Variants in SNX29 observed in about 807,000 individuals in gnomAD.
The protein encoded by SNX29 is sorting nexin-29.
A neutral mutation model predicts 102.1 loss-of-function variants in SNX29; 78 were observed. That is an observed-to-expected ratio of 0.76 (90% CI 0.64 to 0.92). The LOEUF (loss-of-function observed/expected upper bound fraction) is 0.92, where lower values mean the gene tolerates loss of function less well. SNX29 is among the 40% of genes least tolerant of loss of function. SNX29 has a pLI of 0.00. For synonymous variants in SNX29, 580 were observed against 414.5 expected, an observed-to-expected ratio of 1.40 and a Z score of -4.85; for missense variants, 1,280 against 1,061.7, an observed-to-expected ratio of 1.21 and a Z score of -2.86.
At position 12,073,393 on chromosome 16, in the gene SNX29, A is replaced by G. The variant is rs570316051; in HGVS notation, c.1319+4261A>G. 8.1e-3 allele frequency among the ~76,000 whole-genome samples: 1,232 copies of G among 152,288 alleles called. 20 individuals are homozygous for G. Among genetic ancestry groups the G allele is most frequent in the African/African-American group, 0.028 (1,173 of 41,562 alleles). On this transcript the variant is annotated intron_variant, in intron 10 of 20. Transcript: ENST00000566228. ...TGTGTCTTTGTTCTCGTTGGTTTCAAAGAACATCTTTATTTCTGCCTTCAT... is the reference window on the plus strand; with the variant it reads ...TGTGTCTTTGTTCTCGTTGGTTTCAGAGAACATCTTTATTTCTGCCTTCAT...
At chr16:12,151,115 CCT>C (rs1156524310) in intron 13 of SNX29, among the ~76,000 whole-genome samples, 2 of 152,082 alleles carry the variant, frequency 1.3e-5, no homozygotes, top group African/African-American at 4.8e-5. Flanking sequence ...TGTAACAGCC[CCT>C]GTGTACCCAT....
intron 15 of SNX29, among the ~76,000 whole-genome samples, chr16:12,343,149 C>T (rs779809479): frequency 7.9e-5 from 12 of 152,310 alleles, no homozygotes; most frequent in Non-Finnish European, 1.6e-4. Flanking sequence ...ATTAAAAACG[C>T]ACACCAGCCT....
rs1290154017 is a variant in SNX29, at chr16:12,484,066, T to A, written c.2178+6207T>A. Among the ~76,000 whole-genome samples the A allele has an allele frequency of 5.9e-5, 9 of 152,240 alleles. No homozygotes were observed. In the East Asian group the frequency reaches 1.7e-3, roughly 29 times the overall value. ...AGCTTCACCCATCCAAAACTATACATGCCTGTCCCATGGACTCCACTTTCA... is the reference window on the plus strand; with the variant it reads ...AGCTTCACCCATCCAAAACTATACAAGCCTGTCCCATGGACTCCACTTTCA... On this transcript the variant is annotated intron_variant, in intron 19 of 20. Coordinates refer to ENST00000566228, the MANE Select transcript of SNX29 (RefSeq NM_032167.5).
chr16:12,500,095 G>T lies in SNX29; in HGVS notation c.2178+22236G>T, dbSNP rs576058037. ...CAGCCTCAAACTCCTGGGCTTAAGG[G>T]ATCCTCCTACCTCAGCCTCCTGAGC... On this transcript the variant is annotated intron_variant, in intron 19 of 20. Coordinates refer to ENST00000566228, the MANE Select transcript of SNX29 (RefSeq NM_032167.5). 3.3e-5 allele frequency among the ~76,000 whole-genome samples: 5 copies of T among 152,292 alleles called. No homozygotes were observed. The East Asian group carries it at 9.6e-4, about 29-fold the overall frequency.
At chr16:12,083,930 G>C (rs1236825368) in intron 11 of SNX29, among the ~76,000 whole-genome samples, 1 of 152,306 alleles carries the variant, frequency 6.6e-6, no homozygotes, top group Non-Finnish European at 1.5e-5. Context: ...CTCAGTGCCT[G>C]CGGATAATTG....
intron 11 of SNX29, among the ~76,000 whole-genome samples, chr16:12,115,485 TTGTGTGTGTG>T (rs3222983): frequency 3.6e-4 from 51 of 141,964 alleles, no homozygotes; most frequent in South Asian, 2.8e-3. Context: ...CCACCTTGAT[TTGTGTGTGTG>T]TGTGTGTGTG....
chr16:12,557,919 C>A (rs904358435), intron 20 of SNX29, among the ~76,000 whole-genome samples: 1 of 152,162 alleles, frequency 6.6e-6, no homozygotes, highest in Non-Finnish European at 1.5e-5. Context: ...GTCGTCAGGG[C>A]AGGCAGGCTG....
intron 13 of SNX29, among the ~76,000 whole-genome samples, chr16:12,143,706 C>G (rs938186224): frequency 3.3e-5 from 5 of 152,164 alleles, no homozygotes; most frequent in African/African-American, 9.7e-5. Flanking sequence ...TAAATTATGC[C>G]TCCATTTCAA....
At chr16:12,508,422 C>T (rs1377044658) in intron 19 of SNX29, among the ~76,000 whole-genome samples, 2 of 152,148 alleles carry the variant, frequency 1.3e-5, no homozygotes, top group Non-Finnish European at 2.9e-5. Flanking sequence ...TTTTGATGGC[C>T]CATTGATTTC....
chr16:12,248,510 C>T lies in SNX29; in HGVS notation c.1679-29423C>T, dbSNP rs2078327632. On this transcript the variant is annotated intron_variant, in intron 14 of 20. Coordinates refer to ENST00000566228, the MANE Select transcript of SNX29 (RefSeq NM_032167.5). ...TCCTGGGTTCAAGTGATTCTCCTGC[C>T]TCAGCCTCCTGAGCGATTACAGGCG... is the stretch of plus-strand genomic sequence containing the variant. Among the ~76,000 whole-genome samples the T allele has an allele frequency of 2.0e-5, 3 of 152,016 alleles. No homozygotes were observed. In the South Asian group the frequency reaches 6.2e-4, roughly 32 times the overall value.
chr16:12,089,353 A>G (rs1194803510), intron 11 of SNX29, among the ~76,000 whole-genome samples: 1 of 152,018 alleles, frequency 6.6e-6, no homozygotes, highest in Non-Finnish European at 1.5e-5. Flanking sequence ...AAAAATTAAA[A>G]AAACCCAATA....
Position 12,571,624 on chromosome 16 carries a change from T to C in SNX29, c.*2995T>C, listed in dbSNP as rs2079189593. 9.4e-7 allele frequency: 1 copy of C among 1,058,934 alleles called. No homozygotes were observed. The highest frequency in any genetic ancestry group is 1.1e-6 in the Non-Finnish European group (1 of 875,328). 65.6% of individuals were successfully genotyped at this position (1,058,934 alleles called of 1,614,324 possible). On this transcript the variant is annotated 3_prime_UTR_variant, in exon 21 of 21. Coordinates refer to ENST00000566228, the MANE Select transcript of SNX29 (RefSeq NM_032167.5). ...ACAGCAGGTTCCATCTTTCACATCT[T>C]TTTTTCTCCCCCAGATGAAAGACGA... is the stretch of plus-strand genomic sequence containing the variant.
At chr16:12,254,640 A>G (rs1164538220) in intron 14 of SNX29, among the ~76,000 whole-genome samples, 1 of 150,990 alleles carries the variant, frequency 6.6e-6, no homozygotes, top group Non-Finnish European at 1.5e-5. Flanking sequence ...CAGAGACTCC[A>G]TCTCCAAAAA....
rs535100363 is a variant in SNX29, at chr16:12,573,793, G to C, written c.*5164G>C. On this transcript the variant is annotated 3_prime_UTR_variant, in exon 21 of 21. Transcript: ENST00000566228. ...CCCCAGAGACCATTAATTTCCCGGA[G>C]TGAAGGGGATGGGGGTAGAGCTAAT... 1.8e-3 allele frequency: 409 copies of C among 221,342 alleles called. 2 individuals are homozygous for C. Among genetic ancestry groups the C allele is most frequent in the Non-Finnish European group, 3.1e-3 (345 of 110,652 alleles). The allele number at this position is 221,342 out of a possible 1,614,324, so 13.7% of individuals were successfully genotyped here.
In SNX29 at chr16:12,511,622, C is replaced by G. The variant is rs560043887; in HGVS notation, c.2179-13080C>G. On this transcript the variant is annotated intron_variant, in intron 19 of 20. Transcript: ENST00000566228. ...TGAAGTTTTGATTTAGGCACATCGT[C>G]ATTGTAGATGCGCGATCAGGTTTTA... 6.4e-4 allele frequency among the ~76,000 whole-genome samples: 98 copies of G among 152,298 alleles called. 1 individual carries two copies. Among genetic ancestry groups the G allele is most frequent in the African/African-American group, 2.3e-3 (95 of 41,564 alleles).
chr16:12,453,562 T>A (rs2086401351), intron 18 of SNX29, among the ~76,000 whole-genome samples: 1 of 151,942 alleles, frequency 6.6e-6, no homozygotes, highest in Non-Finnish European at 1.5e-5. Context: ...TTTTTTTTTT[T>A]AAGAAATGGG....
At chr16:12,232,861 C>T (rs2142213439) in intron 14 of SNX29, among the ~76,000 whole-genome samples, 2 of 152,346 alleles carry the variant, frequency 1.3e-5, no homozygotes, top group East Asian at 3.9e-4. Flanking sequence ...TACTCACTAT[C>T]AGCCTCAATG....
chr16:12,333,095 GCAAT>G (rs1479785512), intron 15 of SNX29, among the ~76,000 whole-genome samples: 1 of 139,126 alleles, frequency 7.2e-6, no homozygotes, highest in Non-Finnish European at 1.5e-5. Context: ...TGTTTTGCAG[GCAAT>G]CAGTTAATTT....
chr16:12,058,355 C>T (rs1166489028), intron 8 of SNX29, among the ~76,000 whole-genome samples: 3 of 151,918 alleles, frequency 2.0e-5, no homozygotes, highest in Non-Finnish European at 4.4e-5. Context: ...TGCTGAGGAG[C>T]AACAGTTGTA....
Sources: gnomAD v4.1 joint callset for allele counts (sites outside exome capture counted in the v4.1 genomes callset) on GRCh38, gnomAD v4.1.1 for gene constraint, MANE v1.5 for transcripts, NCBI Gene and HGNC (gene_info 2026-07-23, HGNC 2026-07-21) for gene names.